The following RABGAP1L variants were observed in gnomAD, a reference collection of about 807,000 sequenced individuals.
RABGAP1L encodes the protein rab GTPase-activating protein 1-like.
Under a neutral mutation model 137.7 loss-of-function variants are expected in RABGAP1L, and 63 were observed. That is an observed-to-expected ratio of 0.46 (90% confidence interval 0.37 to 0.56). The LOEUF (loss-of-function observed/expected upper bound fraction) is 0.56, where lower values mean the gene tolerates loss of function less well. Ranked by LOEUF, RABGAP1L falls within the 20% of genes least tolerant of loss-of-function variation. The probability of loss-of-function intolerance (pLI) is 0.00; values close to 1 mark genes in which losing one functional copy is unlikely to be tolerated. For missense variants in RABGAP1L, 1,095 were observed against 1,244.0 expected, an observed-to-expected ratio of 0.88 and a Z score of 1.80; for synonymous variants, 431 against 433.7, an observed-to-expected ratio of 0.99 and a Z score of 0.08.
At chr1:174,394,254 A>G (rs761955276) in intron 13 of RABGAP1L, 109 bp downstream of exon 13, 575 of 1,321,314 alleles carry the variant, frequency 4.4e-4, no homozygotes, top group Non-Finnish European at 5.7e-4. Flanking sequence ...TCATGAATAT[A>G]TTGAGGTCGT....
rs377444730 is a variant in RABGAP1L at position 174,282,381 on chromosome 1, T to C, written c.1323+3602T>C. ...TGCAATGTCAATTTACATTTCACAT[T>C]GAGTAATGATTTTGAGCATTTTTTT... On this transcript the variant is annotated intron_variant, in intron 10 of 25. Coordinates refer to ENST00000681986, the MANE Select transcript of RABGAP1L (RefSeq NM_001366446.1). Among the ~76,000 whole-genome samples the C allele has an allele frequency of 7.2e-5, 11 of 152,318 alleles. No individual in the cohort carries two copies. The East Asian group carries it at 2.1e-3, about 29-fold the overall frequency.
intron 19 of RABGAP1L, among the ~76,000 whole-genome samples, chr1:174,873,879 CT>C (rs1652621063): frequency 6.6e-6 from 1 of 152,184 alleles, no homozygotes; most frequent in Non-Finnish European, 1.5e-5. Flanking sequence ...AATGCAACTA[CT>C]TTGCTGCATT....
rs1265050001 is a variant in RABGAP1L at position 174,386,512 on chromosome 1, C to G, written c.1560-7483C>G. ...GTGTGTTTGTGTGTGTTTGTGTTTTCTTTTTTTTTTTTGAGATGGAGTTTC... is the reference window on the plus strand; with the variant it reads ...GTGTGTTTGTGTGTGTTTGTGTTTTGTTTTTTTTTTTTGAGATGGAGTTTC... On this transcript the variant is annotated intron_variant, in intron 12 of 25. Transcript: ENST00000681986. Among the ~76,000 whole-genome samples, 3 of 142,732 alleles carry G rather than the reference C, an allele frequency of 2.1e-5. No homozygotes were observed. In the Admixed American group the frequency reaches 2.1e-4, roughly 10 times the overall value. The allele number at this position is 142,732 out of a possible 152,430, so 93.6% of individuals were successfully genotyped here.
intron 13 of RABGAP1L, among the ~76,000 whole-genome samples, chr1:174,574,188 A>G (rs758830729): frequency 2.2e-4 from 33 of 152,234 alleles, no homozygotes; most frequent in Admixed American, 7.2e-4. Flanking sequence ...CACAGATTTA[A>G]GCCATTTTCT....
At chr1:174,187,051 C>T (rs1666856396) in intron 1 of RABGAP1L, among the ~76,000 whole-genome samples, 1 of 152,160 alleles carries the variant, frequency 6.6e-6, no homozygotes, top group South Asian at 2.1e-4. Flanking sequence ...GTTTCCGAAA[C>T]TTGCCTCAGC....
At chr1:174,612,762 A>C (rs894123328) in intron 13 of RABGAP1L, among the ~76,000 whole-genome samples, 2 of 152,176 alleles carry the variant, frequency 1.3e-5, no homozygotes, top group Non-Finnish European at 2.9e-5. Flanking sequence ...CAGAGATTCA[A>C]CTTCTTCCTG....
intron 13 of RABGAP1L, among the ~76,000 whole-genome samples, chr1:174,438,744 G>GTGTGTGTATATATATATA (rs1161311071): frequency 2.1e-5 from 2 of 95,452 alleles, no homozygotes; most frequent in African/African-American, 9.5e-5. Flanking sequence ...GTGTGTGTGT[G>GTGTGTGTATATATATATA]TATATATATA....
At chr1:174,628,474 A>G (rs1673084783) in intron 13 of RABGAP1L, among the ~76,000 whole-genome samples, 1 of 152,214 alleles carries the variant, frequency 6.6e-6, no homozygotes, top group Non-Finnish European at 1.5e-5. Flanking sequence ...TTTAACAAGT[A>G]CTCAGTTTAT....
At chr1:174,498,703 G>A (rs1430838231) in intron 13 of RABGAP1L, among the ~76,000 whole-genome samples, 2 of 150,588 alleles carry the variant, frequency 1.3e-5, no homozygotes, top group Non-Finnish European at 3.0e-5. Flanking sequence ...TAAAGATGGG[G>A]TTTCACCCTA....
chr1:174,870,887 G>A (rs1652078362), intron 19 of RABGAP1L, among the ~76,000 whole-genome samples: 1 of 151,858 alleles, frequency 6.6e-6, no homozygotes, highest in Admixed American at 6.6e-5. Context: ...ACAGGCGCCT[G>A]CCACAACACC....
At chr1:174,237,935 C>G (rs935876916) in intron 4 of RABGAP1L, among the ~76,000 whole-genome samples, 1 of 150,682 alleles carries the variant, frequency 6.6e-6, no homozygotes, top group African/African-American at 2.4e-5. Flanking sequence ...GGTCTTTTCA[C>G]GTAGTCCCAT....
chr1:174,412,181 GTCT>G (rs1018064622), intron 13 of RABGAP1L, among the ~76,000 whole-genome samples: 4 of 152,010 alleles, frequency 2.6e-5, no homozygotes, highest in African/African-American at 9.7e-5. Flanking sequence ...AGATAGTTAA[GTCT>G]TCTTGTTGAA....
At chr1:174,224,412 G>T (rs1349847873) in intron 3 of RABGAP1L, among the ~76,000 whole-genome samples, 1 of 152,144 alleles carries the variant, frequency 6.6e-6, no homozygotes, top group Non-Finnish European at 1.5e-5. Flanking sequence ...GGAGGTTGCA[G>T]TGAGCCAAGA....
intron 13 of RABGAP1L, among the ~76,000 whole-genome samples, chr1:174,635,242 A>T (rs1460165828): frequency 6.6e-6 from 1 of 152,180 alleles, no homozygotes; most frequent in African/African-American, 2.4e-5. Context: ...TCTCTCTCTT[A>T]ATGTCCTGAA....
chr1:174,657,733 C>G (rs955526523), intron 14 of RABGAP1L, among the ~76,000 whole-genome samples: 2 of 152,116 alleles, frequency 1.3e-5, no homozygotes, highest in Non-Finnish European at 2.9e-5. Flanking sequence ...ATCTTGATTT[C>G]CTTTTCTTTG....
At chr1:174,292,019 T>TTTTTTATTA (rs372810832) in intron 10 of RABGAP1L, among the ~76,000 whole-genome samples, 4 of 139,046 alleles carry the variant, frequency 2.9e-5, no homozygotes, top group African/African-American at 8.2e-5. Flanking sequence ...GATTAGATCA[T>TTTTTTATTA]TTATTATTAT....
intron 12 of RABGAP1L, among the ~76,000 whole-genome samples, chr1:174,387,857 G>T (rs146070817): frequency 6.6e-6 from 1 of 152,090 alleles, no homozygotes; most frequent in Admixed American, 6.5e-5. Context: ...TAGACCTTTA[G>T]AAAACTTGTT....
chr1:174,569,868 C>T (rs1214824010), intron 13 of RABGAP1L, among the ~76,000 whole-genome samples: 1 of 152,100 alleles, frequency 6.6e-6, no homozygotes, highest in Non-Finnish European at 1.5e-5. Context: ...ATAAATATCT[C>T]TAATTTTGAG....
chr1:174,592,948 C>G (rs1669710923), intron 13 of RABGAP1L, among the ~76,000 whole-genome samples: 1 of 79,278 alleles, frequency 1.3e-5, no homozygotes, highest in Non-Finnish European at 2.2e-5. Context: ...CTCCTTGTAC[C>G]TCTGGTAGAA....
Sources: allele counts gnomAD v4.1 joint callset (sites outside exome capture counted in the v4.1 genomes callset), GRCh38; gene constraint gnomAD v4.1.1; transcripts MANE v1.5; gene names NCBI Gene and HGNC (gene_info 2026-07-23, HGNC 2026-07-21).